The following KCNQ5 variants were observed in gnomAD, a reference collection of about 807,000 sequenced individuals.
KCNQ5 encodes the protein potassium voltage-gated channel subfamily Q member 5, also known as potassium voltage-gated channel subfamily KQT member 5.
KCNQ5 carries 30 observed loss-of-function variants against 98.2 expected under a neutral mutation model. The observed-to-expected ratio is 0.31, with a 90% CI of 0.23 to 0.41. KCNQ5 has a LOEUF of 0.41. KCNQ5 is among the 10% of genes least tolerant of loss of function. KCNQ5 has a pLI of 1.00. For synonymous variants in KCNQ5, 458 were observed against 449.4 expected (o/e 1.02, Z -0.24); for missense variants, 835 against 1,182.5 (o/e 0.71, Z 4.31).
At chr6:73,010,255 C>T (rs893141287) in intron 2 of KCNQ5, among the ~76,000 whole-genome samples, 4 of 151,952 alleles carry the variant, frequency 2.6e-5, no homozygotes, top group African/African-American at 9.7e-5. Flanking sequence ...GAAGATGCCA[C>T]ATAATTATCT....
chr6:72,661,513 AT>A (rs1030884668), intron 1 of KCNQ5, among the ~76,000 whole-genome samples: 2 of 151,984 alleles, frequency 1.3e-5, no homozygotes, highest in Admixed American at 1.3e-4. Context: ...TACATAGAAG[AT>A]TTTTTTTCCC....
At chr6:73,015,656 C>T (rs1770298742) in intron 2 of KCNQ5, among the ~76,000 whole-genome samples, 1 of 152,116 alleles carries the variant, frequency 6.6e-6, no homozygotes, top group Non-Finnish European at 1.5e-5. Context: ...CCATATTCAA[C>T]CAGGTCCACA....
intron 1 of KCNQ5, among the ~76,000 whole-genome samples, chr6:72,682,086 C>G (rs1419265347): frequency 6.6e-6 from 1 of 152,162 alleles, no homozygotes; most frequent in East Asian, 1.9e-4. Flanking sequence ...CTGTCCAAAG[C>G]CACTTCATAA....
intron 1 of KCNQ5, among the ~76,000 whole-genome samples, chr6:72,660,109 C>A (rs2154472852): frequency 6.6e-6 from 1 of 152,294 alleles, no homozygotes; most frequent in Non-Finnish European, 1.5e-5. Context: ...TGCAGTATTA[C>A]TGAAGTGTTA....
At chr6:73,061,505 T>C (rs549268780) in intron 3 of KCNQ5, among the ~76,000 whole-genome samples, 5 of 152,244 alleles carry the variant, frequency 3.3e-5, no homozygotes, top group African/African-American at 1.2e-4. Context: ...TATGTACAGT[T>C]GTTCCGAATC....
chr6:73,157,985 C>T, intron 10 of KCNQ5: 1 of 752,484 alleles, frequency 1.3e-6, no homozygotes, highest in Non-Finnish European at 2.5e-6. Context: ...ACCCCTTGAA[C>T]GGCCGGAAGA....
chr6:72,642,816 C>T (rs1372383857), intron 1 of KCNQ5, among the ~76,000 whole-genome samples: 1 of 152,094 alleles, frequency 6.6e-6, no homozygotes, highest in Non-Finnish European at 1.5e-5. Flanking sequence ...CACGTATGTT[C>T]ATTGTAACAC....
At chr6:73,124,976 TATATACAC>T (rs1306602867) in intron 9 of KCNQ5, among the ~76,000 whole-genome samples, 420 of 18,552 alleles carry the variant, frequency 0.023, 2 homozygotes, top group Non-Finnish European at 0.027. Context: ...TATATATATA[TATATACAC>T]ACACACACAT....
intron 1 of KCNQ5, among the ~76,000 whole-genome samples, chr6:72,746,064 C>CAAAAAAAAAAAAAAAAAA (rs59726566): frequency 5.0e-5 from 4 of 80,214 alleles, no homozygotes; most frequent in African/African-American, 1.4e-4. Flanking sequence ...ACTCTATTTG[C>CAAAAAAAAAAAAAAAAAA]AAAAAAAAAA....
At chr6:72,879,178 A>T (rs1472585160) in intron 1 of KCNQ5, among the ~76,000 whole-genome samples, 1 of 152,144 alleles carries the variant, frequency 6.6e-6, no homozygotes, top group African/African-American at 2.4e-5. Context: ...TTTTAATTTT[A>T]CTAGATATTG....
chr6:73,051,705 CAAAA>C (rs201199934), intron 3 of KCNQ5, among the ~76,000 whole-genome samples: 5 of 97,166 alleles, frequency 5.1e-5, no homozygotes, highest in African/African-American at 2.1e-4. Flanking sequence ...AAGATAGAGG[CAAAA>C]AAAAAAAAAA....
chr6:73,081,146 A>G (rs1773748562), intron 5 of KCNQ5, among the ~76,000 whole-genome samples: 1 of 152,202 alleles, frequency 6.6e-6, no homozygotes, highest in Non-Finnish European at 1.5e-5. Context: ...ATGCAGACCC[A>G]CAGTTTGAAC....
At chr6:73,155,033 A>G (rs1187214085) in intron 10 of KCNQ5, among the ~76,000 whole-genome samples, 1 of 152,180 alleles carries the variant, frequency 6.6e-6, no homozygotes, top group Non-Finnish European at 1.5e-5. Context: ...ATACAGTGTA[A>G]TAACTGAGAA....
At chr6:72,841,225 T>G (rs1470357063) in intron 1 of KCNQ5, among the ~76,000 whole-genome samples, 3 of 152,208 alleles carry the variant, frequency 2.0e-5, no homozygotes, top group Non-Finnish European at 4.4e-5. Flanking sequence ...CTATTAGTTT[T>G]GCATTACCAC....
At position 73,066,449 on chromosome 6, in the gene KCNQ5, G is replaced by T. The variant is rs572580085; in HGVS notation, c.617-10873G>T. The stretch of plus-strand genomic sequence containing the variant: ...AGAAAACTCTTCTCTTTTATTCACT[G>T]CTCTATACCTCATGCTTGGCTTATA... On this transcript the variant is annotated intron_variant, in intron 3 of 13. Coordinates refer to ENST00000370398, the MANE Select transcript of KCNQ5 (RefSeq NM_019842.4). Among the ~76,000 whole-genome samples, 6 of 152,178 alleles carry T rather than the reference G, an allele frequency of 3.9e-5. No homozygotes were observed. In the East Asian group the frequency reaches 7.7e-4, roughly 20 times the overall value.
intron 10 of KCNQ5, among the ~76,000 whole-genome samples, chr6:73,138,738 A>G (rs992704063): frequency 3.9e-5 from 6 of 152,298 alleles, no homozygotes; most frequent in African/African-American, 1.4e-4. Context: ...GCCTGGGTTC[A>G]GGAGATGTTT....
chr6:72,892,827 T>C (rs1022475992), intron 1 of KCNQ5, among the ~76,000 whole-genome samples: 1 of 152,106 alleles, frequency 6.6e-6, no homozygotes, highest in African/African-American at 2.4e-5. Flanking sequence ...AATTAAAATA[T>C]CAGAGTTGGG....
intron 1 of KCNQ5, among the ~76,000 whole-genome samples, chr6:72,814,507 AG>A (rs1775404410): frequency 6.6e-6 from 1 of 152,252 alleles, no homozygotes; most frequent in African/African-American, 2.4e-5. Flanking sequence ...CGCCCGACAC[AG>A]GAAGTTAAGC....
intron 1 of KCNQ5, among the ~76,000 whole-genome samples, chr6:72,979,042 G>A (rs1284112240): frequency 6.6e-6 from 1 of 152,188 alleles, no homozygotes; most frequent in Non-Finnish European, 1.5e-5. Flanking sequence ...ATTCCATGGT[G>A]TATATGTGCC....
Sources: gnomAD v4.1 joint callset for allele counts (sites outside exome capture counted in the v4.1 genomes callset) on GRCh38, gnomAD v4.1.1 for gene constraint, MANE v1.5 for transcripts, NCBI Gene and HGNC (gene_info 2026-07-23, HGNC 2026-07-21) for gene names.